Variants in DCHS1 observed in about 807,000 individuals in gnomAD.
DCHS1 encodes the protein protocadherin-16.
In DCHS1, 78 loss-of-function variants were observed where a neutral mutation model predicts 213.9. The observed-to-expected ratio is 0.36, with a 90% CI of 0.30 to 0.44. The LOEUF (loss-of-function observed/expected upper bound fraction) is 0.44. Ranked by LOEUF, DCHS1 falls within the 20% of genes least tolerant of loss-of-function variation. The pLI is 1.00. For synonymous variants in DCHS1, 1,828 were observed against 1,873.7 expected, an observed-to-expected ratio of 0.98 and a Z score of 0.63; for missense variants, 3,946 against 4,395.9, an observed-to-expected ratio of 0.90 and a Z score of 2.89.
In DCHS1 at chr11:6,636,908, T is replaced by C. The variant is rs137880850; in HGVS notation, c.1798-2602A>G. Among the ~76,000 whole-genome samples, 38 of 152,334 alleles carry C rather than the reference T, an allele frequency of 2.5e-4. No homozygotes were observed. In the East Asian group the frequency reaches 6.2e-3, roughly 25 times the overall value. ...TGGCTGCTCAGCACCTCCACCTGGA[T>C]GTCCCACAGGCACCCTAAATCCGAC... On this transcript the variant is annotated intron_variant, in intron 2 of 20. Transcript: ENST00000299441.
chr11:6,623,859 G>A lies in DCHS1; in HGVS notation c.7817C>T (p.Ser2606Phe), dbSNP rs532848071. The A allele has an allele frequency of 2.5e-4, 403 of 1,611,714 alleles. 1 individual carries two copies. The South Asian group carries it at 4.2e-3, about 17-fold the overall frequency. ...NDNPPVFTRA[S>F]YRVTVPEDTP... Reference sequence around the variant, plus strand: ...GTCCTCAGGTACTGTCACACGGTAGGATGCTCGGGTAAAGACAGGTGGGTT... The same window carrying A: ...GTCCTCAGGTACTGTCACACGGTAGAATGCTCGGGTAAAGACAGGTGGGTT... The change falls in exon 21 of 21, where the codon TCC becomes TTC. Residue 2606 changes from serine (S) to phenylalanine (F), a missense_variant. Ser to Phe is a radical substitution (Grantham distance 155). Coordinates refer to ENST00000299441, the MANE Select transcript of DCHS1 (RefSeq NM_003737.4).
In DCHS1 at chr11:6,655,651, T is replaced by C. The variant is rs1486709456; in HGVS notation, c.-209A>G. 2 of 974,234 alleles carry C rather than the reference T, an allele frequency of 2.1e-6. No individual in the cohort carries two copies. The highest frequency in any genetic ancestry group is 2.4e-4 in the East Asian group (2 of 8,460). 60.3% of individuals were successfully genotyped at this position (974,234 alleles called of 1,614,324 possible). Reference sequence around the variant, plus strand: ...GGGCAGCGCCCGCTCGCGCGGGGCCTGAGGCCGCGCATCGTCCGCAGTCGC... The same window carrying C: ...GGGCAGCGCCCGCTCGCGCGGGGCCCGAGGCCGCGCATCGTCCGCAGTCGC... On this transcript the variant is annotated 5_prime_UTR_variant, in exon 1 of 21. Transcript: ENST00000299441.
In DCHS1 at chr11:6,627,029, C is replaced by G. The variant is rs150189719; in HGVS notation, c.6010G>C (p.Ala2004Pro). 6 of 1,613,454 alleles carry G rather than the reference C, an allele frequency of 3.7e-6. No individual in the cohort carries two copies. The highest frequency in any genetic ancestry group is 2.7e-5 in the African/African-American group (2 of 74,878). ...GANASILYRL[A>P]GTPPPGTTVD... ...GTAGTGCCAGGAGGTGGTGTGCCTGCCAGCCGGTACAGAATGGAAGCATTG... is the reference window on the plus strand; with the variant it reads ...GTAGTGCCAGGAGGTGGTGTGCCTGGCAGCCGGTACAGAATGGAAGCATTG... The change falls in exon 14 of 21, where the codon GCA (alanine) becomes CCA (proline). Residue 2004 changes from alanine (A) to proline (P), a missense_variant. Ala to Pro is a conservative substitution (Grantham distance 27). Around this residue, in one of 3 missense-constraint regions of DCHS1, gnomAD observed 3,384 missense variants for 3,780.1 expected, o/e 0.90. Coordinates refer to ENST00000299441, the MANE Select transcript of DCHS1 (RefSeq NM_003737.4). This position sits in a 1 kb window ranked among gnomAD's most constrained non-coding sequence, Gnocchi z 5.4.
chr11:6,653,604 T>C lies in DCHS1; in HGVS notation c.-121+1959A>G, dbSNP rs947002278. ...AAGAAAATAGAAAAAAAATCATCTATTTATTTATGAAGGGCCCAGTTGAGG... is the reference window on the plus strand; with the variant it reads ...AAGAAAATAGAAAAAAAATCATCTACTTATTTATGAAGGGCCCAGTTGAGG... On this transcript the variant is annotated intron_variant, in intron 1 of 20. Transcript: ENST00000299441. Among the ~76,000 whole-genome samples the C allele has an allele frequency of 1.3e-5, 2 of 152,218 alleles. 1 individual carries two copies. The highest frequency in any genetic ancestry group is 4.1e-4 in the South Asian group (2 of 4,834).
At position 6,630,189 on chromosome 11, in the gene DCHS1, G is replaced by T. The variant is rs868253969; in HGVS notation, c.4605C>A (p.Phe1535Leu). Residue 1535 changes from phenylalanine (F) to leucine (L), a missense_variant, in exon 10 of 21, where the codon TTC (phenylalanine) becomes TTA (leucine). Coordinates refer to ENST00000299441, the MANE Select transcript of DCHS1 (RefSeq NM_003737.4). ...RRAARVSARV[F>L]VTDENDNAPV... Reference sequence around the variant, plus strand: ...GCGCGTTGTCATTCTCATCCGTGACGAAGACGCGCGCTGAAACGCGCGCTG... The same window carrying T: ...GCGCGTTGTCATTCTCATCCGTGACTAAGACGCGCGCTGAAACGCGCGCTG... The T allele has an allele frequency of 6.3e-7, 1 of 1,588,050 alleles. No homozygotes were observed.
intron 9 of DCHS1, 65 bp downstream of exon 9, chr11:6,630,988 C>CAG: frequency 6.5e-7 from 1 of 1,539,302 alleles, no homozygotes; most frequent in Non-Finnish European, 8.8e-7. Flanking sequence ...CAAAGGATTC[C>CAG]CGTGAAGCTG....
rs777799805 is a variant in DCHS1, at chr11:6,631,297, C to T, written c.3772+14G>A. On this transcript the variant is annotated intron_variant, in intron 8 of 20. Coordinates refer to ENST00000299441, the MANE Select transcript of DCHS1 (RefSeq NM_003737.4). ...TGCCATCACCCACCAATTCTCCTCT[C>T]TCCACTCCCATACCAGTTAGCGTGT... 1.2e-6 allele frequency: 2 copies of T among 1,613,974 alleles called. No individual in the cohort carries two copies. Among genetic ancestry groups the T allele is most frequent in the Admixed American group, 1.7e-5 (1 of 60,028 alleles).
At chr11:6,629,961 G>C (rs974802153) in intron 10 of DCHS1, 38 bp downstream of exon 10, 4 of 1,597,688 alleles carry the variant, frequency 2.5e-6, no homozygotes, top group Non-Finnish European at 3.4e-6. Flanking sequence ...CTCCACATCA[G>C]CACCTTCCTC....
chr11:6,628,756 C>A lies in DCHS1; in HGVS notation c.5236G>T (p.Asp1746Tyr). ...GCACTCCCAAAGGTTGGTGCATGGT[C>A]ATTCTCATCCTCCACAGCCACTCGA... ...TVRVAVEDEN[D>Y]HAPTFGSAHL... The change falls in exon 13 of 21, where the codon GAC becomes TAC. Residue 1746 changes from aspartate to tyrosine, a missense_variant. Around this residue, in one of 3 missense-constraint regions of DCHS1, gnomAD observed 3,384 missense variants for 3,780.1 expected, o/e 0.90. Transcript: ENST00000299441. This position sits in a 1 kb window ranked among gnomAD's most constrained non-coding sequence, Gnocchi z 4.3. The A allele has an allele frequency of 6.2e-7, 1 of 1,613,990 alleles. No homozygotes were observed. Among genetic ancestry groups the A allele is most frequent in the South Asian group, 1.1e-5 (1 of 91,066 alleles).
intron 1 of DCHS1, among the ~76,000 whole-genome samples, chr11:6,652,012 G>A (rs1393815545): frequency 6.6e-6 from 1 of 152,134 alleles, no homozygotes; most frequent in African/African-American, 2.4e-5. Flanking sequence ...TGATTACCTA[G>A]AGGTGTGTAT....
chr11:6,622,210 C>G lies in DCHS1; in HGVS notation c.9466G>C (p.Glu3156Gln). The G allele has an allele frequency of 6.2e-7, 1 of 1,601,956 alleles. No homozygotes were observed. Among genetic ancestry groups the G allele is most frequent in the Non-Finnish European group, 8.5e-7 (1 of 1,176,316 alleles). The part of the protein sequence containing the change: ...ALTAIVAGEE[E>Q]LRGSYNWDYL... ...TCCCAGTTATAGCTGCCACGGAGCT[C>G]CTCCTCGCCGGCCACAATGGCTGTC... Residue 3156 changes from glutamate to glutamine, a missense_variant, in exon 21 of 21, where the codon GAG (glutamate) becomes CAG (glutamine). Physicochemically the swap from Glu to Gln is conservative, Grantham distance 29 (BLOSUM62 2). This residue lies in a region of DCHS1 where 554 missense variants were observed against 590.2 expected (regional missense o/e 0.94). Coordinates refer to ENST00000299441, the MANE Select transcript of DCHS1 (RefSeq NM_003737.4). This position sits in a 1 kb window ranked among gnomAD's most constrained non-coding sequence, Gnocchi z 5.4.
chr11:6,638,842 A>C (rs1856022959), intron 2 of DCHS1, among the ~76,000 whole-genome samples: 1 of 152,180 alleles, frequency 6.6e-6, no homozygotes, highest in Non-Finnish European at 1.5e-5. Context: ...AGCTAACTTA[A>C]TAAAACCCAA....
chr11:6,643,806 T>A (rs1856115205), intron 1 of DCHS1, among the ~76,000 whole-genome samples: 1 of 152,216 alleles, frequency 6.6e-6, no homozygotes, highest in African/African-American at 2.4e-5. Context: ...TATACTGGGC[T>A]TCAGTATCCC....
chr11:6,642,232 T>G (rs1856088872), intron 1 of DCHS1, among the ~76,000 whole-genome samples: 1 of 152,176 alleles, frequency 6.6e-6, no homozygotes, highest in Non-Finnish European at 1.5e-5. Context: ...TCCTTAGCTC[T>G]ACTTCCCTAC....
Position 6,630,499 on chromosome 11 carries a change from T to C in DCHS1, c.4295A>G (p.His1432Arg). Residue 1432 changes from histidine to arginine, a missense_variant, in exon 10 of 21, where the codon CAT becomes CGT. This residue lies in a region of DCHS1 where 3,384 missense variants were observed against 3,780.1 expected (regional missense o/e 0.90). Coordinates refer to ENST00000299441, the MANE Select transcript of DCHS1 (RefSeq NM_003737.4). ...CGGGTCGCGCGCAAAGGCGGGCGCA[T>C]GCTCATTCTCGTCCTGCACTTGCAC... is the stretch of plus-strand genomic sequence containing the variant. ...VQVQVQDENE[H>R]APAFARDPLA... 1 of 1,538,120 alleles carries C rather than the reference T, an allele frequency of 6.5e-7. No individual in the cohort carries two copies. The highest frequency in any genetic ancestry group is 8.7e-7 in the Non-Finnish European group (1 of 1,148,778).
In DCHS1 at chr11:6,641,540, A is replaced by AGC. The variant is rs56194704; in HGVS notation, c.73_74insGC (p.Leu25CysfsTer37). 1 of 1,552,814 alleles carries AGC rather than the reference A, an allele frequency of 6.4e-7. No homozygotes were observed. The highest frequency in any genetic ancestry group is 2.4e-5 in the East Asian group (1 of 40,986). On this transcript the variant is annotated frameshift_variant, in exon 2 of 21. Transcript: ENST00000299441. LOFTEE classifies it high-confidence loss of function. The surrounding 1 kb of genome is among the most constrained non-coding windows in gnomAD (Gnocchi z 7.1). ...CAGCAGCAGCAGCAGCAGCAGCAGC[A>AGC]ATGGTAGCAGGAGGTGGGGCCTGGG...
At position 6,625,011 on chromosome 11, in the gene DCHS1, A is replaced by T; in HGVS notation, c.7147-143T>A. ...CCTACTCCTAAGTATTCGAATGGGAAATGCCCACCTTCTCCCCTTTCTGGG... is the reference window on the plus strand; with the variant it reads ...CCTACTCCTAAGTATTCGAATGGGATATGCCCACCTTCTCCCCTTTCTGGG... On this transcript the variant is annotated intron_variant, in intron 19 of 20. Coordinates refer to ENST00000299441, the MANE Select transcript of DCHS1 (RefSeq NM_003737.4). The surrounding 1 kb of genome is among the most constrained non-coding windows in gnomAD (Gnocchi z 5.3). 2.1e-6 allele frequency: 3 copies of T among 1,398,518 alleles called. No individual in the cohort carries two copies. The Admixed American group carries it at 6.6e-5, about 31-fold the overall frequency. The allele number at this position is 1,398,518 out of a possible 1,614,324, so 86.6% of individuals were successfully genotyped here.
chr11:6,654,660 T>C lies in DCHS1; in HGVS notation c.-121+903A>G, dbSNP rs184723673. 1.7e-3 allele frequency among the ~76,000 whole-genome samples: 253 copies of C among 152,176 alleles called. 1 individual carries two copies. The highest frequency in any genetic ancestry group is 5.6e-3 in the African/African-American group (234 of 41,488). On this transcript the variant is annotated intron_variant, in intron 1 of 20. Coordinates refer to ENST00000299441, the MANE Select transcript of DCHS1 (RefSeq NM_003737.4). ...TTCCTGGGGGTGGGCTTCCTGGAAG[T>C]GTATGATGGCTGTGAGGGTATCTCT...
intron 1 of DCHS1, among the ~76,000 whole-genome samples, chr11:6,642,500 G>C (rs1856094004): frequency 6.6e-6 from 1 of 152,154 alleles, no homozygotes; most frequent in Non-Finnish European, 1.5e-5. Flanking sequence ...TAAATAACTA[G>C]GTGCTAGCTA....
Sources: gnomAD v4.1 joint callset for allele counts (sites outside exome capture counted in the v4.1 genomes callset) on GRCh38, gnomAD v4.1.1 for gene constraint, gnomAD v4.1.1 regional missense constraint, Gnocchi (gnomAD v3.1) non-coding constraint, MANE v1.5 for transcripts, NCBI Gene and HGNC (gene_info 2026-07-23, HGNC 2026-07-21) for gene names.